INTS15: variants seen among roughly 807,000 people sequenced by gnomAD.
INTS15 encodes uncharacterized protein C7orf26.
the INTS15 span, chr7:6,594,379 C>A: frequency 6.3e-7 from 1 of 1,579,756 alleles, no homozygotes; most frequent in Non-Finnish European, 8.7e-7. Context: ...TGCATAGTTG[C>A]TGGTCTACTC....
chr7:6,608,013 TC>T, the INTS15 span: 2 of 1,599,376 alleles, frequency 1.3e-6, no homozygotes. Context: ...CACGCCGCGC[TC>T]CCCCCGGGGT....
At chr7:6,597,287 G>C in the INTS15 span, among the ~76,000 whole-genome samples, 2 of 151,162 alleles carry the variant, frequency 1.3e-5, no homozygotes, top group Non-Finnish European at 2.9e-5. Context: ...TGGTATCATA[G>C]TTGGCTTTTT....
chr7:6,604,985 CTT>C, the INTS15 span, among the ~76,000 whole-genome samples: 4 of 151,880 alleles, frequency 2.6e-5, no homozygotes, highest in Non-Finnish European at 2.9e-5. Flanking sequence ...TTCTTTTTCT[CTT>C]TGTTTTTTTT....
chr7:6,604,358 G>C, the INTS15 span, among the ~76,000 whole-genome samples: 5 of 152,204 alleles, frequency 3.3e-5, no homozygotes, highest in African/African-American at 1.2e-4. Context: ...GATACCTCAG[G>C]AGGATGGAAC....
chr7:6,601,946 T>C, the INTS15 span, among the ~76,000 whole-genome samples: 1 of 152,200 alleles, frequency 6.6e-6, no homozygotes, highest in Non-Finnish European at 1.5e-5. Flanking sequence ...CGTGAGCCAC[T>C]GCGCCCGGCT....
At chr7:6,602,301 A>C in the INTS15 span, 7 of 587,900 alleles carry the variant, frequency 1.2e-5, no homozygotes, top group African/African-American at 7.5e-5. Flanking sequence ...GAACTCAAGT[A>C]GAAAGTAAAC....
At chr7:6,607,440 G>C in the INTS15 span, 2 of 867,772 alleles carry the variant, frequency 2.3e-6, no homozygotes, top group South Asian at 2.8e-5. This position sits in a 1 kb window ranked among gnomAD's most constrained non-coding sequence, Gnocchi z 6.0. Context: ...TGCGCGGGGC[G>C]GGGTGGGAGG....
the INTS15 span, among the ~76,000 whole-genome samples, chr7:6,594,001 C>CTTTTTTTTT: frequency 2.9e-5 from 2 of 68,950 alleles, no homozygotes; most frequent in African/African-American, 7.5e-5. Flanking sequence ...AAGCCTTTAA[C>CTTTTTTTTT]TTTTTTTTTT....
the INTS15 span, among the ~76,000 whole-genome samples, chr7:6,592,969 T>C: frequency 6.6e-6 from 1 of 152,148 alleles, no homozygotes; most frequent in African/African-American, 2.4e-5. Flanking sequence ...ATTTTCATCA[T>C]GTGGCAGTTC....
At chr7:6,608,408 C>G in the INTS15 span, 1 of 1,381,158 alleles carries the variant, frequency 7.2e-7, no homozygotes. Context: ...TTAAAAGATG[C>G]CGATCCTGGG....
the INTS15 span, among the ~76,000 whole-genome samples, chr7:6,605,219 C>T: frequency 6.6e-6 from 1 of 152,122 alleles, no homozygotes; most frequent in Non-Finnish European, 1.5e-5. Context: ...GAACTCCTGA[C>T]CTCAAGTGAT....
At chr7:6,595,115 T>C in the INTS15 span, among the ~76,000 whole-genome samples, 2 of 152,142 alleles carry the variant, frequency 1.3e-5, no homozygotes, top group Admixed American at 6.6e-5. Context: ...CACTGCAGTC[T>C]CTGCCCCCAA....
chr7:6,608,462 G>C, the INTS15 span: 3 of 1,264,634 alleles, frequency 2.4e-6, no homozygotes, highest in Non-Finnish European at 3.0e-6. Context: ...TGTGTGGCGA[G>C]GAGTGTGACG....
chr7:6,590,743 G>A, the INTS15 span, among the ~76,000 whole-genome samples: 52 of 152,296 alleles, frequency 3.4e-4, 1 homozygote, highest in Non-Finnish European at 5.3e-4. Context: ...GAGGTCTGTT[G>A]GGCTGTTACC....
chr7:6,593,761 C>T, the INTS15 span, among the ~76,000 whole-genome samples: 5 of 150,516 alleles, frequency 3.3e-5, no homozygotes, highest in Admixed American at 6.6e-5. Flanking sequence ...GCCATCCTTC[C>T]GCCTCGGCCT....
the INTS15 span, among the ~76,000 whole-genome samples, chr7:6,598,787 ATTTTT>A: frequency 1.4e-5 from 1 of 70,668 alleles, no homozygotes; most frequent in East Asian, 4.9e-4. Flanking sequence ...GTGTGTGTGT[ATTTTT>A]TTTTTTTTTC....
chr7:6,599,695 C>A, the INTS15 span: 2 of 831,256 alleles, frequency 2.4e-6, no homozygotes, highest in Non-Finnish European at 3.8e-6. Flanking sequence ...CAGAAAATAG[C>A]TAAGCCAGGA....
the INTS15 span, among the ~76,000 whole-genome samples, chr7:6,603,799 A>G: frequency 6.6e-6 from 1 of 152,094 alleles, no homozygotes; most frequent in Non-Finnish European, 1.5e-5. Flanking sequence ...AGACCGCACC[A>G]TTGCGTTCCA....
At chr7:6,594,379 C>G in the INTS15 span, 7 of 1,579,640 alleles carry the variant, frequency 4.4e-6, no homozygotes, top group African/African-American at 2.7e-5. Flanking sequence ...TGCATAGTTG[C>G]TGGTCTACTC....
Sources: gnomAD v4.1 joint callset for allele counts (sites outside exome capture counted in the v4.1 genomes callset) on GRCh38, gnomAD v4.1.1 for gene constraint, Gnocchi (gnomAD v3.1) non-coding constraint, MANE v1.5 for transcripts, NCBI Gene and HGNC (gene_info 2026-07-23, HGNC 2026-07-21) for gene names.